The following PAN2 variants were observed in gnomAD, a reference collection of about 807,000 sequenced individuals.
PAN2 encodes PAN2-PAN3 deadenylation complex catalytic subunit PAN2.
Under a neutral mutation model 133.3 loss-of-function variants are expected in PAN2, and 68 were observed. The ratio of observed to expected loss-of-function variants is 0.51; its 90% confidence interval spans 0.42 to 0.62. PAN2 has a LOEUF of 0.62. Among genes scored for constraint, PAN2 ranks in the 20% least tolerant of loss-of-function variants. PAN2 has a pLI of 0.00. For missense variants in PAN2, 1,042 were observed against 1,500.5 expected (o/e 0.69, Z 5.05); for synonymous variants, 462 against 544.6 (o/e 0.85, Z 2.11).
At position 56,325,611 on chromosome 12, in the gene PAN2, A is replaced by G. The variant is rs1384454195; in HGVS notation, c.1360-157T>C. Among the ~76,000 whole-genome samples, 4 of 151,958 alleles carry G rather than the reference A, an allele frequency of 2.6e-5. No homozygotes were observed. The South Asian group carries it at 6.2e-4, about 24-fold the overall frequency. On this transcript the variant is annotated intron_variant, in intron 8 of 25. Transcript: ENST00000440411. ...CTTCCTTTCTATTTCCACTGCCATC[A>G]CTCTGCTTCAGCACAGATGGACAAC...
Position 56,323,531 on chromosome 12 carries a change from T to G in PAN2, c.2240A>C (p.Lys747Thr), listed in dbSNP as rs1373113892. 2 of 1,614,188 alleles carry G rather than the reference T, an allele frequency of 1.2e-6. No individual in the cohort carries two copies. The part of the protein sequence containing the change: ...LVINCEVNSS[K>T]EADFWRMQAE... ...CTGCATTCTCCAGAAATCAGCCTCT[T>G]TTGAGCTGTTCACCTCACAATTGAT... The change falls in exon 15 of 26, where the codon AAA becomes ACA. Residue 747 changes from lysine (K) to threonine (T), a missense_variant. Around this residue, in one of 3 missense-constraint regions of PAN2, gnomAD observed 908 missense variants for 1,223.5 expected, o/e 0.74. Coordinates refer to ENST00000440411, the MANE Select transcript of PAN2 (RefSeq NM_014871.6).
chr12:56,320,846 C>T (rs1294061374), intron 20 of PAN2, among the ~76,000 whole-genome samples: 1 of 148,100 alleles, frequency 6.8e-6, no homozygotes, highest in African/African-American at 2.5e-5. Flanking sequence ...GGGTGGATCA[C>T]GAGGTCAGGA....
chr12:56,325,446 G>A lies in PAN2; in HGVS notation c.1368C>T (p.Tyr456=). ...ATTCACTGTCTGACTCCTTGAGTCT[G>A]TAGGGTATCTAGGGATTTTAGGAAG... ...PRTRLRNQIP[Y]RLKESDSEFD... is the part of the protein sequence containing the mutation. The change falls in exon 9 of 26, where the codon TAC becomes TAT. Residue 456 remains tyrosine (Y), a synonymous_variant. Transcript: ENST00000440411. 6.2e-7 allele frequency: 1 copy of A among 1,614,134 alleles called. No homozygotes were observed. The highest frequency in any genetic ancestry group is 8.5e-7 in the Non-Finnish European group (1 of 1,179,970).
intron 13 of PAN2, 52 bp downstream of exon 13, chr12:56,323,997 A>C: frequency 6.2e-7 from 1 of 1,612,110 alleles, no homozygotes; most frequent in Non-Finnish European, 8.5e-7. Flanking sequence ...ATATTACAGG[A>C]CATTTTGGGG....
At position 56,323,960 on chromosome 12, in the gene PAN2, CAGTT is replaced by C. The variant is rs747392358; in HGVS notation, c.2066-51_2066-48del. The stretch of plus-strand genomic sequence containing the variant: ...TACTCCTGGTTCTCCCCTCTACCCA[CAGTT>C]AGTCCCCAACACCCTCTCCCTGATA... On this transcript the variant is annotated intron_variant, in intron 13 of 25. Coordinates refer to ENST00000440411, the MANE Select transcript of PAN2 (RefSeq NM_014871.6). 8.1e-6 allele frequency: 13 copies of C among 1,605,966 alleles called. No homozygotes were observed. The South Asian group carries it at 1.4e-4, about 18-fold the overall frequency.
At chr12:56,329,839 G>A (rs945789718) in intron 2 of PAN2, among the ~76,000 whole-genome samples, 2 of 151,654 alleles carry the variant, frequency 1.3e-5, no homozygotes, top group Non-Finnish European at 2.9e-5. Flanking sequence ...AGCTACTCAG[G>A]AGGCTGAGGC....
At chr12:56,331,895 A>G (rs1398584024) in intron 2 of PAN2, among the ~76,000 whole-genome samples, 2 of 151,846 alleles carry the variant, frequency 1.3e-5, no homozygotes, top group African/African-American at 4.8e-5. Context: ...TTGCATTTTT[A>G]GTAGAGACAG....
At position 56,317,639 on chromosome 12, in the gene PAN2, T is replaced by C; in HGVS notation, c.3567A>G (p.Ala1189=). ...GCGCCAGCACTGAGGAGAAGACAGCTGCATCTGTCAGAGACAAAACCAAAA... is the reference window on the plus strand; with the variant it reads ...GCGCCAGCACTGAGGAGAAGACAGCCGCATCTGTCAGAGACAAAACCAAAA... ...EPEGQTSPKN[A]AVFSSVLAL The change falls in exon 26 of 26, where the codon GCA becomes GCG. Residue 1189 remains alanine (A), a synonymous_variant. Transcript: ENST00000440411. 1 of 1,613,694 alleles carries C rather than the reference T, an allele frequency of 6.2e-7. No individual in the cohort carries two copies. The highest frequency in any genetic ancestry group is 8.5e-7 in the Non-Finnish European group (1 of 1,179,694).
intron 24 of PAN2, 106 bp from the exon 25 acceptor site, chr12:56,318,540 T>A: frequency 1.3e-6 from 1 of 771,210 alleles, no homozygotes; most frequent in Non-Finnish European, 2.2e-6. Context: ...TGACTGCCCT[T>A]AAGGAAAATT....
chr12:56,324,325 T>C lies in PAN2; in HGVS notation c.1897A>G (p.Ile633Val), dbSNP rs62000382. 800 of 1,614,072 alleles carry C rather than the reference T, an allele frequency of 5.0e-4. 4 individuals carry two copies. The African/African-American group carries it at 9.4e-3, about 19-fold the overall frequency. ...QLHQDMQELE[I>V]PQAYRGAGGS... ...CCAGCACCTCGATAAGCCTGTGGTA[T>C]TTCCAGCTCCTGCATATCTTGATGC... Residue 633 changes from isoleucine to valine, a missense_variant, in exon 12 of 26, where the codon ATA becomes GTA. Around this residue, in one of 3 missense-constraint regions of PAN2, gnomAD observed 908 missense variants for 1,223.5 expected, o/e 0.74. Coordinates refer to ENST00000440411, the MANE Select transcript of PAN2 (RefSeq NM_014871.6).
chr12:56,331,079 T>C (rs1875784660), intron 2 of PAN2, among the ~76,000 whole-genome samples: 1 of 152,194 alleles, frequency 6.6e-6, no homozygotes, highest in South Asian at 2.1e-4. Flanking sequence ...GGATTACAGG[T>C]GTGAGTCACC....
rs1874751017 is a variant in PAN2 at position 56,323,180 on chromosome 12, A to G, written c.2375T>C (p.Leu792Pro). The G allele has an allele frequency of 6.2e-7, 1 of 1,614,202 alleles. No individual in the cohort carries two copies. Residue 792 changes from leucine to proline, a missense_variant, in exon 17 of 26, where the codon CTG becomes CCG. Around this residue, in one of 3 missense-constraint regions of PAN2, gnomAD observed 908 missense variants for 1,223.5 expected, o/e 0.74. Transcript: ENST00000440411. ...WKELGSPEGV[L>P]VCPSIEELKN... is the part of the protein sequence containing the mutation. Reference sequence around the variant, plus strand: ...CAACTCCTCAATGGAGGGACACACCAGCACACCCTCTGGACTCCCTAGTTC... The same window carrying G: ...CAACTCCTCAATGGAGGGACACACCGGCACACCCTCTGGACTCCCTAGTTC...
chr12:56,325,923 CT>C (rs1875074217), intron 8 of PAN2, among the ~76,000 whole-genome samples: 1 of 152,276 alleles, frequency 6.6e-6, no homozygotes, highest in African/African-American at 2.4e-5. Flanking sequence ...GGATATTCTC[CT>C]CTGTTACTAT....
In PAN2 at chr12:56,318,453, GAA is replaced by G; in HGVS notation, c.3365-21_3365-20del. 6.2e-7 allele frequency: 1 copy of G among 1,600,714 alleles called. No homozygotes were observed. Among genetic ancestry groups the G allele is most frequent in the Non-Finnish European group, 8.6e-7 (1 of 1,167,870 alleles). On this transcript the variant is annotated intron_variant, in intron 24 of 25. Coordinates refer to ENST00000440411, the MANE Select transcript of PAN2 (RefSeq NM_014871.6). ...TTCAGGTCTGGGGTAAGTAAAGGTG[GAA>G]TAGTTTGGGACCCAGCAAAGGGAGG...
intron 10 of PAN2, 88 bp from the exon 11 acceptor site, chr12:56,324,797 G>A (rs2135972710): frequency 6.6e-7 from 1 of 1,510,738 alleles, no homozygotes; most frequent in Non-Finnish European, 8.9e-7. Context: ...TGGAGAAAAT[G>A]TCCCAGAAGC....
At chr12:56,318,754 T>C (rs1250733488) in intron 24 of PAN2, among the ~76,000 whole-genome samples, 1 of 152,186 alleles carries the variant, frequency 6.6e-6, no homozygotes, top group Non-Finnish European at 1.5e-5. Flanking sequence ...GTTACATGGG[T>C]GTATCGTGTA....
chr12:56,330,353 CTTTTTTTTTTT>C lies in PAN2; in HGVS notation c.283-1723_283-1713del, dbSNP rs10525866. 9.7e-5 allele frequency among the ~76,000 whole-genome samples: 9 copies of C among 92,648 alleles called. 1 individual carries two copies. The highest frequency in any genetic ancestry group is 8.3e-4 in the South Asian group (2 of 2,402). The allele number at this position is 92,648 out of a possible 152,430, so 60.8% of individuals were successfully genotyped here. A position where few individuals can be genotyped will look rare whatever the true frequency, so the allele number is the denominator to read the frequency against. ...AACCCCCTTACTCAACTGTATTTTT[CTTTTTTTTTTT>C]TTTTTTTTTTTTTGAGACGGAGTCT... On this transcript the variant is annotated intron_variant, in intron 2 of 25. Transcript: ENST00000440411.
At chr12:56,333,306 T>C (rs964826783) in intron 1 of PAN2, 98 bp from the exon 2 acceptor site, 17 of 563,772 alleles carry the variant, frequency 3.0e-5, no homozygotes, top group Middle Eastern at 4.7e-4. Flanking sequence ...GAGGCAGGCA[T>C]GAGGGATGAG....
At position 56,323,843 on chromosome 12, in the gene PAN2, C is replaced by T; in HGVS notation, c.2136G>A (p.Gln712=). ...ACTTTTCACAGGTGTCACACCAGGC[C>T]TGTGTATTCTGGTCCAGGCAGATGC... ...KRSICLDQNT[Q]AWCDTCEKYQ... is the part of the protein sequence containing the mutation. Residue 712 remains glutamine (Q), a synonymous_variant, in exon 14 of 26, where the codon CAG becomes CAA. Transcript: ENST00000440411. The T allele has an allele frequency of 1.2e-6, 2 of 1,613,980 alleles. No individual in the cohort carries two copies. Among genetic ancestry groups the T allele is most frequent in the Non-Finnish European group, 1.7e-6 (2 of 1,179,812 alleles).
Sources: gnomAD v4.1 joint callset for allele counts (sites outside exome capture counted in the v4.1 genomes callset) on GRCh38, gnomAD v4.1.1 for gene constraint, gnomAD v4.1.1 regional missense constraint, MANE v1.5 for transcripts, NCBI Gene and HGNC (gene_info 2026-07-23, HGNC 2026-07-21) for gene names.